Variants in ARHGAP23 observed in about 807,000 individuals in gnomAD.
The protein encoded by ARHGAP23 is rho GTPase-activating protein 23.
ARHGAP23 carries 34 observed loss-of-function variants against 136.3 expected under a neutral mutation model. The ratio of observed to expected loss-of-function variants is 0.25; its 90% CI spans 0.19 to 0.33. The LOEUF (loss-of-function observed/expected upper bound fraction) is 0.33, where lower values mean the gene tolerates loss of function less well. Among genes scored for constraint, ARHGAP23 ranks in the 10% least tolerant of loss-of-function variants. The pLI is 1.00. For missense variants in ARHGAP23, 1,808 were observed against 2,139.0 expected, an observed-to-expected ratio of 0.85 and a Z score of 3.05; for synonymous variants, 832 against 920.5, an observed-to-expected ratio of 0.90 and a Z score of 1.74.
At chr17:38,483,677 G>A (rs2040097098) in intron 16 of ARHGAP23, among the ~76,000 whole-genome samples, 1 of 152,252 alleles carries the variant, frequency 6.6e-6, no homozygotes, top group Non-Finnish European at 1.5e-5. Flanking sequence ...ATGAGGAGCT[G>A]AGACAAGTGT....
intron 1 of ARHGAP23, among the ~76,000 whole-genome samples, chr17:38,420,412 T>A (rs2038509030): frequency 6.6e-6 from 1 of 152,194 alleles, no homozygotes; most frequent in Non-Finnish European, 1.5e-5. Context: ...AACTCCCTTC[T>A]TTTCCTGGCC....
At chr17:38,476,835 T>TCCAGCTCCCTCCC (rs2039903592) in intron 11 of ARHGAP23, among the ~76,000 whole-genome samples, 1 of 152,162 alleles carries the variant, frequency 6.6e-6, no homozygotes, top group Admixed American at 6.5e-5. Context: ...TAGCACACCC[T>TCCAGCTCCCTCCC]CCAGCTCCCT....
At chr17:38,472,304 C>A (rs1307103431) in intron 11 of ARHGAP23, among the ~76,000 whole-genome samples, 1 of 152,138 alleles carries the variant, frequency 6.6e-6, no homozygotes, top group Admixed American at 6.5e-5. Flanking sequence ...TGAAGATGGC[C>A]GCTGGGGCTC....
intron 17 of ARHGAP23, among the ~76,000 whole-genome samples, chr17:38,488,100 G>A (rs1025046562): frequency 1.3e-5 from 2 of 152,072 alleles, no homozygotes; most frequent in Non-Finnish European, 2.9e-5. Flanking sequence ...TAGAGGCAGG[G>A]TCTCACTACA....
intron 1 of ARHGAP23, among the ~76,000 whole-genome samples, chr17:38,439,566 C>A (rs1366016639): frequency 6.6e-6 from 1 of 152,202 alleles, no homozygotes; most frequent in Non-Finnish European, 1.5e-5. Flanking sequence ...ACTTGTATTG[C>A]GGGCCTCAGG....
At chr17:38,476,806 C>T (rs1224038334) in intron 11 of ARHGAP23, among the ~76,000 whole-genome samples, 1 of 151,784 alleles carries the variant, frequency 6.6e-6, no homozygotes, top group Admixed American at 6.5e-5. Flanking sequence ...CAATGTTTAG[C>T]CGCATCCCTC....
chr17:38,465,483 C>T (rs942980619), intron 6 of ARHGAP23, among the ~76,000 whole-genome samples: 2 of 152,362 alleles, frequency 1.3e-5, no homozygotes, highest in South Asian at 4.1e-4. Flanking sequence ...AGGCCGCTGT[C>T]CCTGGGAGCT....
chr17:38,503,409 G>C (rs1298493681), intron 23 of ARHGAP23, among the ~76,000 whole-genome samples: 1 of 152,208 alleles, frequency 6.6e-6, no homozygotes, highest in African/African-American at 2.4e-5. Flanking sequence ...TTCCTGAAGG[G>C]GCCGAGAAGC....
intron 22 of ARHGAP23, chr17:38,499,034 G>C: frequency 1.4e-6 from 1 of 698,606 alleles, no homozygotes; most frequent in Non-Finnish European, 2.6e-6. Flanking sequence ...GCGGCAGGCA[G>C]AATGTCCCGG....
intron 1 of ARHGAP23, among the ~76,000 whole-genome samples, chr17:38,436,745 G>A (rs965632843): frequency 1.3e-5 from 2 of 152,188 alleles, no homozygotes; most frequent in African/African-American, 2.4e-5. Flanking sequence ...CCCCTCAGGG[G>A]CCCCCTGCCA....
chr17:38,507,961 G>A (rs1197462721), intron 23 of ARHGAP23, among the ~76,000 whole-genome samples: 1 of 152,262 alleles, frequency 6.6e-6, no homozygotes, highest in Non-Finnish European at 1.5e-5. Flanking sequence ...GCGTGACCTT[G>A]TCAGGTCATT....
rs914114401 is a variant in ARHGAP23 at position 38,482,511 on chromosome 17, A to G, written c.2752-12A>G. 3.9e-6 allele frequency: 6 copies of G among 1,530,056 alleles called. No homozygotes were observed. In the African/African-American group the frequency reaches 8.3e-5, roughly 21 times the overall value. 94.8% of individuals were successfully genotyped at this position (1,530,056 alleles called of 1,614,324 possible). A position where few individuals can be genotyped will look rare whatever the true frequency, so the allele number is the denominator to read the frequency against. ...CCCTGTCCCCCCTAACACCCCTCCC[A>G]TGTGTCCCCAGCGCGTCCCCTTAAT... is the stretch of plus-strand genomic sequence containing the variant. On this transcript the variant is annotated splice_polypyrimidine_tract_variant and intron_variant, in intron 15 of 23. Transcript: ENST00000622683.
chr17:38,494,339 C>T (rs931118446), intron 20 of ARHGAP23, among the ~76,000 whole-genome samples: 1 of 152,200 alleles, frequency 6.6e-6, no homozygotes, highest in Non-Finnish European at 1.5e-5. Flanking sequence ...CGTGTGAGAA[C>T]GGACTGTCAT....
chr17:38,421,955 G>C (rs1210180227), intron 1 of ARHGAP23, among the ~76,000 whole-genome samples: 1 of 152,224 alleles, frequency 6.6e-6, no homozygotes, highest in African/African-American at 2.4e-5. Context: ...TGGAGACAGG[G>C]AGGAGGATGG....
chr17:38,476,518 T>G (rs960849013), intron 11 of ARHGAP23, among the ~76,000 whole-genome samples: 1 of 152,062 alleles, frequency 6.6e-6, no homozygotes, highest in Non-Finnish European at 1.5e-5. Context: ...AAAGTGCCCA[T>G]GGGACCTGCA....
chr17:38,481,893 A>G (rs375607583), intron 14 of ARHGAP23, 129 bp from the exon 15 acceptor site: 1 of 922,990 alleles, frequency 1.1e-6, no homozygotes, highest in Non-Finnish European at 1.5e-6. Flanking sequence ...ACAATGTCCC[A>G]TCAGCCCTGG....
At chr17:38,424,311 C>A (rs1048084486), upstream of ARHGAP23, among the ~76,000 whole-genome samples, 1 of 151,844 alleles carries the variant, frequency 6.6e-6, no homozygotes, top group Non-Finnish European at 1.5e-5. Context: ...CTTCCCCACC[C>A]AAACAGACAC....
At chr17:38,487,050 ACTC>A (rs2040176493) in intron 17 of ARHGAP23, among the ~76,000 whole-genome samples, 2 of 151,748 alleles carry the variant, frequency 1.3e-5, no homozygotes, top group Admixed American at 6.6e-5. Flanking sequence ...TGGCGTAAAT[ACTC>A]CTACCATGGT....
intron 23 of ARHGAP23, among the ~76,000 whole-genome samples, chr17:38,504,214 A>G (rs2040579876): frequency 6.6e-6 from 1 of 152,188 alleles, no homozygotes; most frequent in African/African-American, 2.4e-5. Flanking sequence ...GCTGAAACCA[A>G]CCGGCCAAGC....
Sources: gnomAD v4.1 joint callset for allele counts (sites outside exome capture counted in the v4.1 genomes callset) on GRCh38, gnomAD v4.1.1 for gene constraint, MANE v1.5 for transcripts, NCBI Gene and HGNC (gene_info 2026-07-23, HGNC 2026-07-21) for gene names.